RCOR1: variants seen among roughly 807,000 people sequenced by gnomAD.
RCOR1 encodes REST corepressor 1.
A neutral mutation model predicts 64.0 loss-of-function variants in RCOR1; 12 were observed. The observed-to-expected ratio is 0.19, with a 90% CI of 0.12 to 0.30. RCOR1 has a LOEUF of 0.30. RCOR1 is among the 10% of genes least tolerant of loss of function. The pLI, the probability that RCOR1 is intolerant of heterozygous loss-of-function variation, is 1.00. For missense variants in RCOR1, 502 were observed against 621.2 expected, an observed-to-expected ratio of 0.81 and a Z score of 2.04; for synonymous variants, 279 against 227.2, an observed-to-expected ratio of 1.23 and a Z score of -2.05.
intron 2 of RCOR1, among the ~76,000 whole-genome samples, chr14:102,668,190 C>G (rs79403126): frequency 0.012 from 1,894 of 152,254 alleles, 17 homozygotes; most frequent in Admixed American, 0.019. Flanking sequence ...TTCTGTTCAC[C>G]CTGGAGGTGT....
chr14:102,594,441 C>G (rs924221123), intron 2 of RCOR1, among the ~76,000 whole-genome samples: 2 of 152,116 alleles, frequency 1.3e-5, no homozygotes, highest in African/African-American at 2.4e-5. Context: ...GGCGATTGCT[C>G]TCAAGCTGTT....
chr14:102,675,670 C>G (rs1450404150), intron 2 of RCOR1, among the ~76,000 whole-genome samples: 1 of 152,182 alleles, frequency 6.6e-6, no homozygotes, highest in East Asian at 1.9e-4. Context: ...TAACTGAAAT[C>G]ACAGAAAGCA....
chr14:102,619,871 GT>G (rs1343279656), intron 2 of RCOR1, among the ~76,000 whole-genome samples: 1 of 152,118 alleles, frequency 6.6e-6, no homozygotes, highest in Non-Finnish European at 1.5e-5. Flanking sequence ...TACTTAGTCT[GT>G]TATAGTAATA....
In RCOR1 at chr14:102,721,858, T is replaced by C. The variant is rs112824084; in HGVS notation, c.1190-329T>C. 6.7e-3 allele frequency among the ~76,000 whole-genome samples: 1,022 copies of C among 152,056 alleles called. 13 individuals are homozygous for C. Among genetic ancestry groups the C allele is most frequent in the African/African-American group, 0.024 (989 of 41,458 alleles). Reference sequence around the variant, plus strand: ...AAAACCCCAAAAGAAGCAGACAGAGTGTTCAGCTTTAAAGGTTGGGGGTGC... The same window carrying C: ...AAAACCCCAAAAGAAGCAGACAGAGCGTTCAGCTTTAAAGGTTGGGGGTGC... On this transcript the variant is annotated intron_variant, in intron 10 of 11. Coordinates refer to ENST00000262241, the MANE Select transcript of RCOR1 (RefSeq NM_015156.4).
chr14:102,720,141 C>T (rs1161292591), intron 8 of RCOR1, among the ~76,000 whole-genome samples: 5 of 152,312 alleles, frequency 3.3e-5, no homozygotes, highest in South Asian at 4.1e-4. Flanking sequence ...GAAAATCAAG[C>T]TCCTCTTCCG....
Position 102,726,857 on chromosome 14 carries a change from C to A in RCOR1, c.*351C>A, listed in dbSNP as rs761066197. 1 of 288,156 alleles carries A rather than the reference C, an allele frequency of 3.5e-6. No homozygotes were observed. The highest frequency in any genetic ancestry group is 6.4e-6 in the Non-Finnish European group (1 of 156,054). 17.8% of individuals were successfully genotyped at this position (288,156 alleles called of 1,614,324 possible). On this transcript the variant is annotated 3_prime_UTR_variant, in exon 12 of 12. Coordinates refer to ENST00000262241, the MANE Select transcript of RCOR1 (RefSeq NM_015156.4). ...TCAGCAGCTTCAGAGCAGGCAGTCT[C>A]CTTGGAAGGCCCGACTCTGTTCCTG...
chr14:102,691,113 C>T (rs187158760), intron 3 of RCOR1, among the ~76,000 whole-genome samples: 26 of 152,316 alleles, frequency 1.7e-4, no homozygotes, highest in Middle Eastern at 3.4e-3. Context: ...GCGAAATACA[C>T]GAACAGTCCG....
chr14:102,619,947 CT>C (rs1273383504), intron 2 of RCOR1, among the ~76,000 whole-genome samples: 1 of 152,176 alleles, frequency 6.6e-6, no homozygotes, highest in East Asian at 1.9e-4. Flanking sequence ...CTGCGTATAT[CT>C]TTTTGTATAC....
intron 2 of RCOR1, chr14:102,649,889 T>A (rs1334585035): frequency 4.7e-6 from 3 of 634,568 alleles, no homozygotes; most frequent in Non-Finnish European, 5.9e-6. Flanking sequence ...TGAAGAAAGG[T>A]GAGAGCTTAA....
At chr14:102,678,772 C>T (rs1487304541) in intron 2 of RCOR1, among the ~76,000 whole-genome samples, 1 of 152,102 alleles carries the variant, frequency 6.6e-6, no homozygotes, top group Non-Finnish European at 1.5e-5. Flanking sequence ...TTCAGTTGTT[C>T]CCATTCTTGT....
At chr14:102,669,448 T>C (rs1353865814) in intron 2 of RCOR1, among the ~76,000 whole-genome samples, 2 of 152,204 alleles carry the variant, frequency 1.3e-5, no homozygotes, top group African/African-American at 4.8e-5. Context: ...AAATACTTAA[T>C]GTGGATATCA....
chr14:102,609,905 C>T (rs141285340), intron 2 of RCOR1, among the ~76,000 whole-genome samples: 1,543 of 151,560 alleles, frequency 0.01, 16 homozygotes, highest in Admixed American at 0.015. Context: ...TTTGGGAGGC[C>T]GAGGCAGGCA....
intron 2 of RCOR1, among the ~76,000 whole-genome samples, chr14:102,654,219 T>A (rs1487468898): frequency 6.6e-6 from 1 of 151,960 alleles, no homozygotes. Flanking sequence ...ACTCCTGACC[T>A]CAGGTGATCT....
Position 102,630,318 on chromosome 14 carries a change from C to A in RCOR1, c.361+36993C>A, listed in dbSNP as rs550642552. Among the ~76,000 whole-genome samples the A allele has an allele frequency of 2.0e-5, 3 of 152,272 alleles. No homozygotes were observed. In the South Asian group the frequency reaches 6.2e-4, roughly 32 times the overall value. ...CACCTTCCGCCATGTGTGGAAGCAG[C>A]CTGAGGCTTTCACCAGATGCCCCAT... On this transcript the variant is annotated intron_variant, in intron 2 of 11. Transcript: ENST00000262241.
intron 2 of RCOR1, among the ~76,000 whole-genome samples, chr14:102,639,264 CTTT>C (rs11306200): frequency 1.6e-3 from 195 of 125,544 alleles, no homozygotes; most frequent in African/African-American, 3.6e-3. Flanking sequence ...TTCTTTCTTT[CTTT>C]TTTTTTTTTT....
At chr14:102,701,197 T>C (rs1036291237) in intron 3 of RCOR1, 81 bp from the exon 4 acceptor site, 36 of 1,136,244 alleles carry the variant, frequency 3.2e-5, no homozygotes, top group Admixed American at 6.8e-5. Context: ...GCCTGAAATA[T>C]ACACGTATAT....
At chr14:102,625,656 A>C (rs575093213) in intron 2 of RCOR1, among the ~76,000 whole-genome samples, 1 of 152,016 alleles carries the variant, frequency 6.6e-6, no homozygotes, top group African/African-American at 2.4e-5. Context: ...GGCATGAGCC[A>C]TTGTGCCCAG....
chr14:102,632,443 G>C (rs924066697), intron 2 of RCOR1, among the ~76,000 whole-genome samples: 12 of 147,318 alleles, frequency 8.1e-5, no homozygotes, highest in African/African-American at 3.0e-4. Context: ...CTGACCTCGT[G>C]ATCTGCCTGC....
intron 2 of RCOR1, among the ~76,000 whole-genome samples, chr14:102,660,071 A>G (rs12101108): frequency 0.13 from 19,240 of 152,186 alleles, 1,472 homozygotes; most frequent in African/African-American, 0.21. Flanking sequence ...GGTAGAGATT[A>G]TCTTTAACCA....
Sources: allele counts gnomAD v4.1 joint callset (sites outside exome capture counted in the v4.1 genomes callset), GRCh38; gene constraint gnomAD v4.1.1; transcripts MANE v1.5; gene names NCBI Gene and HGNC (gene_info 2026-07-23, HGNC 2026-07-21).